The following NCKAP1 variants were observed in gnomAD, a reference collection of about 807,000 sequenced individuals.
The protein encoded by NCKAP1 is NCK associated protein 1, also known as nck-associated protein 1.
A neutral mutation model predicts 151.2 loss-of-function variants in NCKAP1; 21 were observed. The ratio of observed to expected loss-of-function variants is 0.14; its 90% CI spans 0.10 to 0.20. The LOEUF is 0.20. Ranked by LOEUF, NCKAP1 falls within the 10% of genes least tolerant of loss-of-function variation. NCKAP1 has a pLI of 1.00. For missense variants in NCKAP1, 933 were observed against 1,352.1 expected (o/e 0.69, Z 4.86); for synonymous variants, 484 against 451.8 (o/e 1.07, Z -0.90).
At position 183,002,780 on chromosome 2, in the gene NCKAP1, C is replaced by T. The variant is rs903677387; in HGVS notation, c.369+194G>A. On this transcript the variant is annotated intron_variant, in intron 4 of 30. Coordinates refer to ENST00000361354, the MANE Select transcript of NCKAP1 (RefSeq NM_013436.5). Reference sequence around the variant, plus strand: ...CGTGTATTTCCCAATATGTACAAGACTTATACTCAGTGACAATCAAAACAA... The same window carrying T: ...CGTGTATTTCCCAATATGTACAAGATTTATACTCAGTGACAATCAAAACAA... Among the ~76,000 whole-genome samples the T allele has an allele frequency of 9.9e-5, 15 of 151,946 alleles. No individual in the cohort carries two copies. The South Asian group carries it at 3.1e-3, about 32-fold the overall frequency.
Position 182,922,221 on chromosome 2 carries a change from T to C in NCKAP1, c.*3481A>G, listed in dbSNP as rs1407896528. On this transcript the variant is annotated 3_prime_UTR_variant, in exon 31 of 31. Coordinates refer to ENST00000361354, the MANE Select transcript of NCKAP1 (RefSeq NM_013436.5). ...TGGGCATGGATCATGTACTAATCAG[T>C]AGGTTACAATTCACTACCTTACAGA... The C allele has an allele frequency of 2.0e-5, 3 of 152,210 alleles. No homozygotes were observed. Among genetic ancestry groups the C allele is most frequent in the African/African-American group, 4.8e-5 (2 of 41,460 alleles). The allele number at this position is 152,210 out of a possible 1,614,324, so 9.4% of individuals were successfully genotyped here.
At chr2:182,954,770 A>C (rs1225381291) in intron 20 of NCKAP1, among the ~76,000 whole-genome samples, 1 of 152,150 alleles carries the variant, frequency 6.6e-6, no homozygotes, top group African/African-American at 2.4e-5. Flanking sequence ...TGGACGAAAG[A>C]ACAAAACTCC....
intron 26 of NCKAP1, among the ~76,000 whole-genome samples, chr2:182,933,714 C>CACCA (rs1696813135): frequency 6.6e-6 from 1 of 151,794 alleles, no homozygotes; most frequent in East Asian, 1.9e-4. Context: ...CATGCCCAGC[C>CACCA]TGAGTGGCAC....
intron 10 of NCKAP1, among the ~76,000 whole-genome samples, chr2:182,985,785 A>G (rs1162481684): frequency 6.6e-6 from 1 of 150,550 alleles, no homozygotes; most frequent in African/African-American, 2.4e-5. Flanking sequence ...CCTGGGTGAC[A>G]GAGTGAGACT....
In NCKAP1 at chr2:182,953,253, T is replaced by C. The variant is rs1237727132; in HGVS notation, c.2232A>G (p.Arg744=). 1 of 1,613,406 alleles carries C rather than the reference T, an allele frequency of 6.2e-7. No homozygotes were observed. Among genetic ancestry groups the C allele is most frequent in the Non-Finnish European group, 8.5e-7 (1 of 1,179,586 alleles). The change falls in exon 21 of 31, where the codon AGA becomes AGG. Residue 744 remains arginine (R), a synonymous_variant. Coordinates refer to ENST00000361354, the MANE Select transcript of NCKAP1 (RefSeq NM_013436.5). Reference sequence around the variant, plus strand: ...TTGACTGGAGTACGGTCATGTATGCTCTTACACTTGTTAGAAGTTCTGAAG... The same window carrying C: ...TTGACTGGAGTACGGTCATGTATGCCCTTACACTTGTTAGAAGTTCTGAAG... The part of the protein sequence containing the change: ...AKPSELLTSV[R]AYMTVLQSIE...
intron 13 of NCKAP1, among the ~76,000 whole-genome samples, chr2:182,980,948 C>T (rs1697925201): frequency 6.6e-6 from 1 of 152,114 alleles, no homozygotes; most frequent in South Asian, 2.1e-4. Flanking sequence ...TATGATTAAC[C>T]TCCTCTTTCC....
chr2:182,990,896 A>G (rs1363638287), intron 8 of NCKAP1, among the ~76,000 whole-genome samples: 1 of 152,190 alleles, frequency 6.6e-6, no homozygotes, highest in Non-Finnish European at 1.5e-5. Flanking sequence ...TTTGACTTGA[A>G]CTATACAAAA....
intron 1 of NCKAP1, among the ~76,000 whole-genome samples, chr2:183,029,821 GAAA>G (rs71405500): frequency 1.8e-4 from 9 of 50,730 alleles, no homozygotes; most frequent in Admixed American, 4.5e-4. Flanking sequence ...ACCCTGACTC[GAAA>G]AAAAAAAAAA....
rs1697253475 is a variant in NCKAP1, at chr2:182,953,154, G to A, written c.2331C>T (p.Asp777=). The part of the protein sequence containing the change: ...NVLLQQTQHL[D]SHGEPTITSL... ...TTGTAATGGTTGGCTCTCCATGACT[G>A]TCTAAATGTTGTGTTTGTTGAAGAA... The change falls in exon 21 of 31, where the codon GAC becomes GAT. Residue 777 remains aspartate, a synonymous_variant. Transcript: ENST00000361354. 6 of 1,613,290 alleles carry A rather than the reference G, an allele frequency of 3.7e-6. No homozygotes were observed. The South Asian group carries it at 6.6e-5, about 18-fold the overall frequency.
chr2:183,003,458 T>TA (rs1051904890), intron 2 of NCKAP1, 133 bp from the exon 3 acceptor site: 154 of 604,320 alleles, frequency 2.5e-4, no homozygotes, highest in African/African-American at 1.4e-3. Context: ...TACGGCTTTT[T>TA]AAAAAACCAA....
intron 2 of NCKAP1, among the ~76,000 whole-genome samples, chr2:183,017,832 G>A (rs1698722456): frequency 6.6e-6 from 1 of 152,216 alleles, no homozygotes; most frequent in Admixed American, 6.5e-5. Flanking sequence ...AAAAGTCAAA[G>A]AGGTAAATGT....
At position 183,038,290 on chromosome 2, in the gene NCKAP1, C is replaced by A. The variant is rs899054739; in HGVS notation, c.-191G>T. 2 of 383,702 alleles carry A rather than the reference C, an allele frequency of 5.2e-6. No individual in the cohort carries two copies. Among genetic ancestry groups the A allele is most frequent in the African/African-American group, 4.3e-5 (2 of 46,922 alleles). The allele number at this position is 383,702 out of a possible 1,614,324, so 23.8% of individuals were successfully genotyped here. On this transcript the variant is annotated 5_prime_UTR_variant, in exon 1 of 31. Transcript: ENST00000361354. ...GAGCCGCGGCGGACTCCTCGGAGCC[C>A]CTTCTCCCGCAGCAGCCCGCGCCCC...
intron 2 of NCKAP1, among the ~76,000 whole-genome samples, chr2:183,014,281 T>C (rs1326211991): frequency 6.6e-6 from 1 of 152,038 alleles, no homozygotes; most frequent in East Asian, 1.9e-4. Flanking sequence ...TTAAACTAAT[T>C]TGGAAAGGTC....
At position 182,909,739 on chromosome 2, in the gene NCKAP1, G is replaced by A. The variant is rs1696358814; in HGVS notation, c.*15963C>T. On this transcript the variant is annotated 3_prime_UTR_variant, in exon 31 of 31. Transcript: ENST00000361354. ...CACCAAAATACAAATAAGTCAACTA[G>A]AAATGAGAATTTTCTGTGCTCCATT... The A allele has an allele frequency of 6.6e-6, 1 of 152,174 alleles. No individual in the cohort carries two copies. The highest frequency in any genetic ancestry group is 2.4e-5 in the African/African-American group (1 of 41,442). 9.4% of individuals were successfully genotyped at this position (152,174 alleles called of 1,614,324 possible). A position where few individuals can be genotyped will look rare whatever the true frequency, so the allele number is the denominator to read the frequency against.
chr2:183,012,739 A>C (rs1575064864), intron 2 of NCKAP1, among the ~76,000 whole-genome samples: 1 of 147,960 alleles, frequency 6.8e-6, no homozygotes, highest in African/African-American at 2.5e-5. Context: ...CAGCCTCCCC[A>C]AGTAGCTGGG....
At chr2:182,957,659 T>A in intron 18 of NCKAP1, 63 bp from the exon 19 acceptor site, 1 of 1,518,602 alleles carries the variant, frequency 6.6e-7, no homozygotes, top group Non-Finnish European at 8.9e-7. Flanking sequence ...TACTAACTAT[T>A]CAAGCAAACA....
intron 13 of NCKAP1, among the ~76,000 whole-genome samples, chr2:182,980,516 ATAT>A (rs1559091627): frequency 6.6e-6 from 1 of 152,080 alleles, no homozygotes; most frequent in Non-Finnish European, 1.5e-5. Flanking sequence ...GCAAAATAAA[ATAT>A]TATTTCCTTA....
Position 182,923,157 on chromosome 2 carries a change from T to C in NCKAP1, c.*2545A>G, listed in dbSNP as rs1052314203. The C allele has an allele frequency of 6.6e-6, 1 of 152,186 alleles. No individual in the cohort carries two copies. The highest frequency in any genetic ancestry group is 2.4e-5 in the African/African-American group (1 of 41,444). 9.4% of individuals were successfully genotyped at this position (152,186 alleles called of 1,614,324 possible). On this transcript the variant is annotated 3_prime_UTR_variant, in exon 31 of 31. Transcript: ENST00000361354. ...TGAAAAAGCAGCAGAAAGGAAGCAA[T>C]TTTACTTCTGAAAAATTATTCTAAA...
chr2:182,963,423 C>G (rs1697496986), intron 17 of NCKAP1, among the ~76,000 whole-genome samples: 1 of 152,096 alleles, frequency 6.6e-6, no homozygotes, highest in South Asian at 2.1e-4. Flanking sequence ...GTTTCAACAG[C>G]TCAGAAATGC....
Sources: gnomAD v4.1 joint callset for allele counts (sites outside exome capture counted in the v4.1 genomes callset) on GRCh38, gnomAD v4.1.1 for gene constraint, MANE v1.5 for transcripts, NCBI Gene and HGNC (gene_info 2026-07-23, HGNC 2026-07-21) for gene names.